The following UGGT2 variants were observed in gnomAD, a reference collection of about 807,000 sequenced individuals.
UGGT2 encodes the protein UDP-glucose glycoprotein glucosyltransferase 2, also known as UDP-glucose:glycoprotein glucosyltransferase 2.
A neutral mutation model predicts 192.1 loss-of-function variants in UGGT2; 180 were observed. The ratio of observed to expected loss-of-function variants is 0.94; its 90% confidence interval spans 0.83 to 1.06. The LOEUF is 1.06. Among genes scored for constraint, UGGT2 ranks in the 50% least tolerant of loss-of-function variants. The pLI, the probability that UGGT2 is intolerant of heterozygous loss-of-function variation, is 0.00. For missense variants in UGGT2, 1,849 were observed against 1,795.7 expected, an observed-to-expected ratio of 1.03 and a Z score of -0.54; for synonymous variants, 580 against 591.0, an observed-to-expected ratio of 0.98 and a Z score of 0.27.
intron 31 of UGGT2, among the ~76,000 whole-genome samples, chr13:95,861,900 A>C (rs1890203191): frequency 1.3e-5 from 2 of 152,154 alleles, no homozygotes; most frequent in Non-Finnish European, 2.9e-5. Flanking sequence ...TGGAGCAGTT[A>C]ACGTCCCAAA....
Position 95,918,479 on chromosome 13 carries a change from C to T in UGGT2, c.2295+7201G>A, listed in dbSNP as rs182868394. Among the ~76,000 whole-genome samples the T allele has an allele frequency of 5.4e-3, 820 of 152,006 alleles. 10 individuals carry two copies. The highest frequency in any genetic ancestry group is 0.018 in the African/African-American group (753 of 41,458). On this transcript the variant is annotated intron_variant, in intron 20 of 38. Coordinates refer to ENST00000376747, the MANE Select transcript of UGGT2 (RefSeq NM_020121.4). ...ATCTCAATTAAAAGAACATGAGAGC[C>T]AAGAGCAAACAAACCCCAAAGCTAG...
chr13:95,872,349 T>A (rs1054644042), intron 29 of UGGT2, among the ~76,000 whole-genome samples: 2 of 152,230 alleles, frequency 1.3e-5, no homozygotes, highest in Admixed American at 6.5e-5. Flanking sequence ...AGCCAAATTT[T>A]AAAAAATCAA....
intron 25 of UGGT2, 128 bp downstream of exon 25, chr13:95,890,734 T>G (rs761332841): frequency 1.5e-5 from 11 of 735,596 alleles, no homozygotes; most frequent in South Asian, 7.0e-5. Context: ...TTTTCTACAT[T>G]GAAATATGAC....
At chr13:95,910,368 T>C (rs890298149) in intron 20 of UGGT2, among the ~76,000 whole-genome samples, 9 of 152,036 alleles carry the variant, frequency 5.9e-5, no homozygotes, top group African/African-American at 9.7e-5. Flanking sequence ...GAGACACACA[T>C]AGGCTCAAAT....
At chr13:95,884,065 C>CA (rs35937679) in intron 27 of UGGT2, among the ~76,000 whole-genome samples, 6,792 of 73,886 alleles carry the variant, frequency 0.092, 489 homozygotes, top group African/African-American at 0.23. Flanking sequence ...GCTGTGAGGC[C>CA]AAAAAAAAAA....
At chr13:96,035,339 T>C (rs916350509) in intron 1 of UGGT2, among the ~76,000 whole-genome samples, 1 of 152,240 alleles carries the variant, frequency 6.6e-6, no homozygotes, top group Non-Finnish European at 1.5e-5. Flanking sequence ...TAAATGGTTC[T>C]GGGAGAACTG....
intron 12 of UGGT2, among the ~76,000 whole-genome samples, chr13:95,955,493 G>T (rs902434278): frequency 1.3e-5 from 2 of 152,190 alleles, no homozygotes; most frequent in African/African-American, 4.8e-5. Flanking sequence ...GTTCTTTTCT[G>T]TTAGTTGCAA....
intron 20 of UGGT2, among the ~76,000 whole-genome samples, chr13:95,919,051 C>T (rs887677112): frequency 3.9e-5 from 6 of 152,122 alleles, no homozygotes; most frequent in Admixed American, 2.0e-4. Context: ...CCCCAGGATG[C>T]GACGTTGGTT....
intron 7 of UGGT2, among the ~76,000 whole-genome samples, chr13:95,995,176 T>TA (rs1261781783): frequency 3.9e-5 from 6 of 151,938 alleles, no homozygotes; most frequent in South Asian, 2.1e-4. Context: ...TTATAATTAG[T>TA]AAAAAAAGAT....
At chr13:95,859,556 C>T (rs1889954150) in intron 33 of UGGT2, 35 bp downstream of exon 33, 1 of 1,462,762 alleles carries the variant, frequency 6.8e-7, no homozygotes, top group Non-Finnish European at 9.5e-7. Flanking sequence ...ACTATTCAAA[C>T]ATTAACCATT....
intron 20 of UGGT2, among the ~76,000 whole-genome samples, chr13:95,918,025 G>A (rs1031206169): frequency 3.3e-5 from 5 of 152,106 alleles, no homozygotes; most frequent in Admixed American, 6.5e-5. Context: ...ACTCAGCTCT[G>A]GATCAAGTGG....
chr13:95,884,597 T>A lies in UGGT2; in HGVS notation c.3122A>T (p.Asp1041Val). The change falls in exon 27 of 39, where the codon GAT (aspartate) becomes GTT (valine). Residue 1041 changes from aspartate to valine, a missense_variant. Physicochemically the swap from Asp to Val is radical, Grantham distance 152. Transcript: ENST00000376747. ...SSLGPVAKFL[D>V]IPESPLLILN... ...GATTAGGAGGGGTGATTCAGGAATA[T>A]CCAAAAATTTTGCCACTGGTCCAAG... 1 of 1,613,980 alleles carries A rather than the reference T, an allele frequency of 6.2e-7. No individual in the cohort carries two copies. The highest frequency in any genetic ancestry group is 8.5e-7 in the Non-Finnish European group (1 of 1,179,932).
chr13:95,997,323 A>G (rs2051655106), intron 6 of UGGT2, among the ~76,000 whole-genome samples: 1 of 152,184 alleles, frequency 6.6e-6, no homozygotes, highest in African/African-American at 2.4e-5. Context: ...GCAGCAAGAT[A>G]GGCAGCCATC....
chr13:95,857,183 T>C (rs1889696319), intron 33 of UGGT2, among the ~76,000 whole-genome samples: 1 of 152,082 alleles, frequency 6.6e-6, no homozygotes, highest in South Asian at 2.1e-4. Flanking sequence ...CTGTGAAATC[T>C]TGAAATTAGG....
chr13:95,959,881 G>A (rs889273870), intron 12 of UGGT2, among the ~76,000 whole-genome samples: 7 of 151,984 alleles, frequency 4.6e-5, no homozygotes, highest in East Asian at 1.9e-4. Context: ...ACCCACCATC[G>A]CCACCCATAG....
At position 95,994,349 on chromosome 13, in the gene UGGT2, A is replaced by G. The variant is rs138626398; in HGVS notation, c.830+1714T>C. Among the ~76,000 whole-genome samples the G allele has an allele frequency of 5.2e-3, 793 of 151,996 alleles. 11 individuals carry two copies. The highest frequency in any genetic ancestry group is 0.018 in the African/African-American group (759 of 41,562). ...CACAGCTTGCCAAGTTAATTTATTA[A>G]AAAACAGTAAAAATAACACTGAGTT... is the stretch of plus-strand genomic sequence containing the variant. On this transcript the variant is annotated intron_variant, in intron 7 of 38. Coordinates refer to ENST00000376747, the MANE Select transcript of UGGT2 (RefSeq NM_020121.4).
At chr13:95,962,581 G>A (rs1028806676) in intron 12 of UGGT2, among the ~76,000 whole-genome samples, 15 of 152,188 alleles carry the variant, frequency 9.9e-5, no homozygotes, top group Middle Eastern at 3.4e-3. Flanking sequence ...AAGAGTCCAG[G>A]ACTAGATGGC....
At chr13:95,810,116 A>G (rs930361989) in intron 38 of UGGT2, among the ~76,000 whole-genome samples, 1 of 152,216 alleles carries the variant, frequency 6.6e-6, no homozygotes, top group Non-Finnish European at 1.5e-5. Context: ...TCTGTTGTAC[A>G]TATCAAGCAA....
intron 14 of UGGT2, among the ~76,000 whole-genome samples, chr13:95,947,711 AT>A (rs2049924214): frequency 2.2e-4 from 1 of 4,634 alleles, no homozygotes; most frequent in Non-Finnish European, 6.9e-4. Context: ...GGCCTCCCAA[AT>A]CCCAAAGTGC....
Sources: gnomAD v4.1 joint callset for allele counts (sites outside exome capture counted in the v4.1 genomes callset) on GRCh38, gnomAD v4.1.1 for gene constraint, MANE v1.5 for transcripts, NCBI Gene and HGNC (gene_info 2026-07-23, HGNC 2026-07-21) for gene names.